Variants in PGLYRP4 observed in about 807,000 individuals in gnomAD.
PGLYRP4 encodes peptidoglycan recognition protein 4.
Under a neutral mutation model 41.2 loss-of-function variants are expected in PGLYRP4, and 39 were observed. The ratio of observed to expected loss-of-function variants is 0.95; its 90% CI spans 0.73 to 1.24. PGLYRP4 has a LOEUF of 1.24. PGLYRP4 is among the 50% of genes most tolerant of loss of function. The probability of loss-of-function intolerance (pLI) is 0.00; values close to 1 mark genes in which losing one functional copy is unlikely to be tolerated. For missense variants in PGLYRP4, 467 were observed against 460.7 expected (o/e 1.01, Z -0.13); for synonymous variants, 202 against 186.8 (o/e 1.08, Z -0.66).
chr1:153,333,896 C>T (rs1038475314), intron 8 of PGLYRP4, among the ~76,000 whole-genome samples: 8 of 152,018 alleles, frequency 5.3e-5, no homozygotes, highest in Non-Finnish European at 1.2e-4. Context: ...AACTAGGCAT[C>T]AAAAGAACAT....
In PGLYRP4 at chr1:153,330,929, A is replaced by C; in HGVS notation, c.960T>G (p.Ala320=). ...GGTCTTGGGCTGCCTCTAGTGCTGC[A>C]GCATTGGGTGGTATACCTGCAAAAC... ...MGTFTGIPPN[A]AALEAAQDLI... The change falls in exon 9 of 9, where the codon GCT becomes GCG. Residue 320 remains alanine (A), a synonymous_variant. Coordinates refer to ENST00000359650, the MANE Select transcript of PGLYRP4 (RefSeq NM_020393.4). The C allele has an allele frequency of 6.2e-7, 1 of 1,613,468 alleles. No homozygotes were observed. The highest frequency in any genetic ancestry group is 8.5e-7 in the Non-Finnish European group (1 of 1,179,564).
intron 6 of PGLYRP4, among the ~76,000 whole-genome samples, 168 bp downstream of exon 6, chr1:153,341,459 G>A (rs994953796): frequency 3.9e-5 from 6 of 152,216 alleles, no homozygotes; most frequent in Non-Finnish European, 5.9e-5. Flanking sequence ...TGGCCTGGAG[G>A]TTTCCTCTCA....
chr1:153,341,501 G>T, intron 6 of PGLYRP4, 126 bp downstream of exon 6: 2 of 826,896 alleles, frequency 2.4e-6, no homozygotes, highest in Non-Finnish European at 1.9e-6. Context: ...TCAGAGAGTT[G>T]GGTGGCCAGT....
intron 4 of PGLYRP4, 161 bp downstream of exon 4, chr1:153,345,008 A>G (rs1277081317): frequency 3.2e-6 from 2 of 615,838 alleles, no homozygotes. Context: ...AGAAAAATCC[A>G]AAGGATTGGG....
At position 153,348,660 on chromosome 1, in the gene PGLYRP4, T is replaced by G. The variant is rs1359392409; in HGVS notation, c.-179A>C. ...TGCCCTTCTTCACCAACTGGCGCCTTCTCCTCCAGCCTTCACTCTCCCTAG... is the reference window on the plus strand; with the variant it reads ...TGCCCTTCTTCACCAACTGGCGCCTGCTCCTCCAGCCTTCACTCTCCCTAG... On this transcript the variant is annotated 5_prime_UTR_variant, in exon 1 of 9. Transcript: ENST00000359650. 1 of 152,720 alleles carries G rather than the reference T, an allele frequency of 6.5e-6. No individual in the cohort carries two copies. Among genetic ancestry groups the G allele is most frequent in the Non-Finnish European group, 1.5e-5 (1 of 68,470 alleles). The allele number at this position is 152,720 out of a possible 1,614,324, so 9.5% of individuals were successfully genotyped here. A position where few individuals can be genotyped will look rare whatever the true frequency, so the allele number is the denominator to read the frequency against.
chr1:153,343,868 G>A (rs1266533859), intron 4 of PGLYRP4, among the ~76,000 whole-genome samples: 1 of 152,186 alleles, frequency 6.6e-6, no homozygotes, highest in Non-Finnish European at 1.5e-5. Context: ...GCGCAGAGAG[G>A]GGTGGGAGGA....
At chr1:153,336,693 C>A (rs1474016190) in intron 8 of PGLYRP4, among the ~76,000 whole-genome samples, 2 of 152,002 alleles carry the variant, frequency 1.3e-5, no homozygotes, top group Non-Finnish European at 2.9e-5. Flanking sequence ...TGTAGTATAT[C>A]CATGTAACAC....
chr1:153,345,431 C>G (rs765487263), intron 3 of PGLYRP4, 49 bp from the exon 4 acceptor site: 1 of 1,538,948 alleles, frequency 6.5e-7, no homozygotes, highest in Non-Finnish European at 9.0e-7. Flanking sequence ...CGCATTAGCC[C>G]GCCAAGCTGA....
In PGLYRP4 at chr1:153,330,693, C is replaced by T; in HGVS notation, c.*74G>A. ...GGGGAGGAGGGCAAAAGGTGTTGAG[C>T]CAAGCTGGATGGTTAGGACAGGAGA... On this transcript the variant is annotated 3_prime_UTR_variant, in exon 9 of 9. Transcript: ENST00000359650. 7.3e-7 allele frequency: 1 copy of T among 1,369,558 alleles called. No homozygotes were observed. Among genetic ancestry groups the T allele is most frequent in the South Asian group, 1.3e-5 (1 of 78,314 alleles). The allele number at this position is 1,369,558 out of a possible 1,614,324, so 84.8% of individuals were successfully genotyped here.
intron 7 of PGLYRP4, among the ~76,000 whole-genome samples, chr1:153,337,627 A>G (rs1660623728): frequency 6.6e-6 from 1 of 152,176 alleles, no homozygotes; most frequent in Admixed American, 6.5e-5. Flanking sequence ...TCTAACAATC[A>G]GCTCTCATGA....
chr1:153,334,468 T>A (rs4578168), intron 8 of PGLYRP4, among the ~76,000 whole-genome samples: 61,135 of 142,276 alleles, frequency 0.43, 13,444 homozygotes, highest in East Asian at 0.56. Flanking sequence ...ATATATTTAT[T>A]TATATATATT....
In PGLYRP4 at chr1:153,346,103, T is replaced by C. The variant is rs932635884; in HGVS notation, c.138A>G (p.Lys46=). 1 of 1,605,916 alleles carries C rather than the reference T, an allele frequency of 6.2e-7. No homozygotes were observed. Residue 46 remains lysine (K), a splice_region_variant and synonymous_variant, in exon 3 of 9, where the codon AAA becomes AAG. Coordinates refer to ENST00000359650, the MANE Select transcript of PGLYRP4 (RefSeq NM_020393.4). ...LFENISQLTE[K]GLPTDVSTTV... is the part of the protein sequence containing the mutation. ...CCTTACTATCCAGATCCAGTTTACC[T>C]TTTTCAGTGAGCTGGGAGATGTTCT... is the stretch of plus-strand genomic sequence containing the variant.
rs752251515 is a variant in PGLYRP4 at position 153,340,479 on chromosome 1, G to A, written c.726C>T (p.Ala242=). The part of the protein sequence containing the change: ...PAKYGIIIHT[A]GRTCNISDEC... ...CATCAGAAATGTTGCAGGTCCTCCCGGCAGTGTGGATAATGATGCCATACT... is the reference window on the plus strand; with the variant it reads ...CATCAGAAATGTTGCAGGTCCTCCCAGCAGTGTGGATAATGATGCCATACT... Residue 242 remains alanine, a synonymous_variant, in exon 7 of 9, where the codon GCC becomes GCT. Transcript: ENST00000359650. The A allele has an allele frequency of 6.8e-5, 109 of 1,614,008 alleles. 1 individual carries two copies. The highest frequency in any genetic ancestry group is 6.6e-4 in the South Asian group (60 of 91,080).
chr1:153,342,057 C>CAG (rs1660826105), intron 5 of PGLYRP4, among the ~76,000 whole-genome samples: 1 of 152,192 alleles, frequency 6.6e-6, no homozygotes, highest in Admixed American at 6.5e-5. Flanking sequence ...CCAGCAGCAC[C>CAG]CGCCAGGCCA....
intron 8 of PGLYRP4, among the ~76,000 whole-genome samples, chr1:153,333,956 C>T (rs917646627): frequency 2.0e-5 from 3 of 152,130 alleles, no homozygotes; most frequent in African/African-American, 7.2e-5. Context: ...CAACATCATA[C>T]TGAATGGTAA....
chr1:153,344,055 A>G (rs2101575284), intron 4 of PGLYRP4, among the ~76,000 whole-genome samples: 1 of 152,298 alleles, frequency 6.6e-6, no homozygotes, highest in East Asian at 1.9e-4. Flanking sequence ...GAACAGACAC[A>G]CAACTGTCCC....
chr1:153,343,134 T>C lies in PGLYRP4; in HGVS notation c.428A>G (p.Tyr143Cys). 3.1e-6 allele frequency: 5 copies of C among 1,613,860 alleles called. No individual in the cohort carries two copies. The highest frequency in any genetic ancestry group is 4.2e-6 in the Non-Finnish European group (5 of 1,179,720). ...GGCAAAGCCCAGGGAGATGTTGTTG[T>C]AGCCTTGGGTGTGCACTCCTTGGAT... ...WNIQGVHTQG[Y>C]NNISLGFAFF... The change falls in exon 5 of 9, where the codon TAC (tyrosine) becomes TGC (cysteine). Residue 143 changes from tyrosine (Y) to cysteine (C), a missense_variant. Coordinates refer to ENST00000359650, the MANE Select transcript of PGLYRP4 (RefSeq NM_020393.4).
intron 8 of PGLYRP4, 128 bp downstream of exon 8, chr1:153,337,053 T>C (rs1488128181): frequency 7.7e-6 from 6 of 780,746 alleles, no homozygotes; most frequent in Non-Finnish European, 1.4e-5. Flanking sequence ...AATGTTGGAT[T>C]GGAAGCTGGG....
intron 7 of PGLYRP4, among the ~76,000 whole-genome samples, chr1:153,338,597 C>G (rs1469140134): frequency 6.6e-6 from 1 of 152,222 alleles, no homozygotes; most frequent in African/African-American, 2.4e-5. Context: ...ATCAGCTCTA[C>G]CACACTCCTC....
Sources: gnomAD v4.1 joint callset for allele counts (sites outside exome capture counted in the v4.1 genomes callset) on GRCh38, gnomAD v4.1.1 for gene constraint, MANE v1.5 for transcripts, NCBI Gene and HGNC (gene_info 2026-07-23, HGNC 2026-07-21) for gene names.